SIK3: variants seen among roughly 807,000 people sequenced by gnomAD.
The protein encoded by SIK3 is SIK family kinase 3, also known as serine/threonine-protein kinase SIK3.
SIK3 carries 28 observed loss-of-function variants against 144.2 expected under a neutral mutation model. That is an observed-to-expected ratio of 0.19 (90% confidence interval 0.14 to 0.27). SIK3 has a LOEUF of 0.27. Among genes scored for constraint, SIK3 ranks in the 10% least tolerant of loss-of-function variants. The pLI, the probability that SIK3 is intolerant of heterozygous loss-of-function variation, is 1.00. For missense variants in SIK3, 1,319 were observed against 1,776.0 expected (o/e 0.74, Z 4.62); for synonymous variants, 686 against 676.3 (o/e 1.01, Z -0.22).
chr11:116,850,158 A>C (rs527769616), intron 21 of SIK3, among the ~76,000 whole-genome samples: 2 of 152,312 alleles, frequency 1.3e-5, no homozygotes, highest in East Asian at 3.9e-4. Context: ...ATCTCATGGA[A>C]ACCTGATTAC....
At chr11:116,934,100 G>T (rs920009989) in intron 3 of SIK3, among the ~76,000 whole-genome samples, 3 of 151,918 alleles carry the variant, frequency 2.0e-5, no homozygotes, top group Admixed American at 2.0e-4. Flanking sequence ...CTTCCCCTAC[G>T]CACTTTATCA....
At chr11:116,958,918 T>C (rs541878265) in intron 1 of SIK3, among the ~76,000 whole-genome samples, 35 of 152,332 alleles carry the variant, frequency 2.3e-4, no homozygotes, top group Non-Finnish European at 4.3e-4. Flanking sequence ...TGGTACACAA[T>C]GTCTCTTCCT....
intron 1 of SIK3, among the ~76,000 whole-genome samples, chr11:117,065,840 G>C (rs998317305): frequency 6.6e-6 from 1 of 151,952 alleles, no homozygotes; most frequent in Admixed American, 6.6e-5. Context: ...CTGTTGGCCA[G>C]GCTGGTCTCG....
chr11:117,066,445 C>A (rs1401501231), intron 1 of SIK3, among the ~76,000 whole-genome samples: 4 of 151,190 alleles, frequency 2.6e-5, no homozygotes, highest in African/African-American at 7.3e-5. Context: ...AAAAAAAAAT[C>A]TTTGCAAAGC....
chr11:117,075,128 A>G (rs997218166), intron 1 of SIK3, among the ~76,000 whole-genome samples: 1 of 152,224 alleles, frequency 6.6e-6, no homozygotes, highest in Admixed American at 6.5e-5. Context: ...CTATACACAT[A>G]AACTATCTCA....
chr11:116,942,308 C>T (rs369530928), intron 3 of SIK3, among the ~76,000 whole-genome samples: 17 of 152,230 alleles, frequency 1.1e-4, no homozygotes, highest in Middle Eastern at 3.4e-3. Flanking sequence ...ATCAGCAATC[C>T]AGTGATGTTC....
chr11:116,862,539 G>A (rs1356910053), intron 16 of SIK3, among the ~76,000 whole-genome samples: 1 of 152,202 alleles, frequency 6.6e-6, no homozygotes, highest in Admixed American at 6.5e-5. Flanking sequence ...AAAACATCAA[G>A]GATGGCCTTT....
intron 6 of SIK3, among the ~76,000 whole-genome samples, chr11:116,885,274 T>TTC: frequency 2.0e-5 from 3 of 152,326 alleles, no homozygotes; most frequent in Middle Eastern, 6.8e-3. Flanking sequence ...TGAGAGGCTT[T>TTC]TCTCTTCAGT....
intron 3 of SIK3, among the ~76,000 whole-genome samples, chr11:116,944,773 T>C (rs1249909145): frequency 1.3e-5 from 2 of 152,150 alleles, no homozygotes; most frequent in Admixed American, 1.3e-4. Flanking sequence ...ACTGAACCGG[T>C]TTTGGGAATT....
chr11:116,952,608 C>A (rs1046544569), intron 3 of SIK3, among the ~76,000 whole-genome samples: 15 of 152,164 alleles, frequency 9.9e-5, no homozygotes, highest in Admixed American at 1.3e-4. Flanking sequence ...TATAACCATG[C>A]CCTCCAGGAA....
rs1276987123 is a variant in SIK3 at position 116,845,270 on chromosome 11, AAAGAAAAAAAAGAAAGG to A, written c.*356_*372del. On this transcript the variant is annotated 3_prime_UTR_variant, in exon 25 of 25. Coordinates refer to ENST00000445177, the MANE Select transcript of SIK3 (RefSeq NM_001366686.3). ...GCTCTCCTGTTTCAAAAAAGGAACG[AAAGAAAAAAAAGAAAGG>A]AAGAAAAAAAAGAAAGTATATCACC... 15 of 147,268 alleles carry A rather than the reference AAAGAAAAAAAAGAAAGG, an allele frequency of 1.0e-4. No individual in the cohort carries two copies. The highest frequency in any genetic ancestry group is 2.1e-4 in the South Asian group (1 of 4,826). The allele number at this position is 147,268 out of a possible 1,614,324, so 9.1% of individuals were successfully genotyped here. A position where few individuals can be genotyped will look rare whatever the true frequency, so the allele number is the denominator to read the frequency against.
rs115553902 is a variant in SIK3 at position 117,034,722 on chromosome 11, C to T, written c.273+63421G>A. On this transcript the variant is annotated intron_variant, in intron 1 of 24. Transcript: ENST00000445177. ...CAATTGTATTAAGGCATGGTCTTTA[C>T]ATTTCAAACTTTACAGAGTTACCTG... is the stretch of plus-strand genomic sequence containing the variant. Among the ~76,000 whole-genome samples, 1,059 of 152,256 alleles carry T rather than the reference C, an allele frequency of 7.0e-3. 12 individuals are homozygous for T. The highest frequency in any genetic ancestry group is 0.024 in the African/African-American group (985 of 41,542).
At chr11:116,868,237 G>T in intron 14 of SIK3, 148 bp from the exon 15 acceptor site, 1 of 1,033,010 alleles carries the variant, frequency 9.7e-7, no homozygotes, top group Non-Finnish European at 1.4e-6. Flanking sequence ...TGCCTGGATG[G>T]AAGTGAGACA....
In SIK3 at chr11:116,939,498, C is replaced by T. The variant is rs571106876; in HGVS notation, c.455-12118G>A. Among the ~76,000 whole-genome samples the T allele has an allele frequency of 2.4e-4, 36 of 152,280 alleles. No homozygotes were observed. The South Asian group carries it at 6.8e-3, about 29-fold the overall frequency. ...AACTAAATGACAGGAGTAGATAAAACATTACGTAAAAGACTGATGGGAAAC... is the reference window on the plus strand; with the variant it reads ...AACTAAATGACAGGAGTAGATAAAATATTACGTAAAAGACTGATGGGAAAC... On this transcript the variant is annotated intron_variant, in intron 3 of 24. Coordinates refer to ENST00000445177, the MANE Select transcript of SIK3 (RefSeq NM_001366686.3).
At chr11:116,863,932 G>T in intron 15 of SIK3, 114 bp from the exon 16 acceptor site, 1 of 1,064,758 alleles carries the variant, frequency 9.4e-7, no homozygotes, top group Non-Finnish European at 1.4e-6. Flanking sequence ...AGGTAGCCCT[G>T]CATATTATGC....
intron 6 of SIK3, among the ~76,000 whole-genome samples, chr11:116,892,061 G>A (rs1945151078): frequency 6.6e-6 from 1 of 152,172 alleles, no homozygotes; most frequent in South Asian, 2.1e-4. Flanking sequence ...CCATTGATCT[G>A]ACTTCAATAC....
chr11:117,064,469 A>G (rs561050715), intron 1 of SIK3, among the ~76,000 whole-genome samples: 24 of 152,316 alleles, frequency 1.6e-4, no homozygotes, highest in Middle Eastern at 3.4e-3. Flanking sequence ...CAACTCATCT[A>G]AAAAACATTT....
intron 1 of SIK3, among the ~76,000 whole-genome samples, chr11:117,071,597 G>A (rs929685234): frequency 6.6e-6 from 1 of 151,928 alleles, no homozygotes; most frequent in Non-Finnish European, 1.5e-5. Context: ...AAGAAGGGAG[G>A]GGAAAAGAGA....
Position 117,027,400 on chromosome 11 carries a change from C to G in SIK3, c.274-70336G>C, listed in dbSNP as rs577449632. 3.3e-5 allele frequency among the ~76,000 whole-genome samples: 5 copies of G among 152,070 alleles called. No individual in the cohort carries two copies. The East Asian group carries it at 9.6e-4, about 29-fold the overall frequency. On this transcript the variant is annotated intron_variant, in intron 1 of 24. Coordinates refer to ENST00000445177, the MANE Select transcript of SIK3 (RefSeq NM_001366686.3). ...TTCACATCCTAGACCATAAGCATCA[C>G]AAACAACTTTCAGGGAAGGCTGTTT... is the stretch of plus-strand genomic sequence containing the variant.
Sources: gnomAD v4.1 joint callset for allele counts (sites outside exome capture counted in the v4.1 genomes callset) on GRCh38, gnomAD v4.1.1 for gene constraint, MANE v1.5 for transcripts, NCBI Gene and HGNC (gene_info 2026-07-23, HGNC 2026-07-21) for gene names.